NEBL: variants seen among roughly 807,000 people sequenced by gnomAD.
NEBL encodes the protein nebulette.
A neutral mutation model predicts 140.2 loss-of-function variants in NEBL; 122 were observed. The observed-to-expected ratio is 0.87, with a 90% CI of 0.75 to 1.01. The LOEUF is 1.01. NEBL is among the 50% of genes least tolerant of loss of function. The pLI, the probability that NEBL is intolerant of heterozygous loss-of-function variation, is 0.00. For missense variants in NEBL, 1,365 were observed against 1,231.3 expected, an observed-to-expected ratio of 1.11 and a Z score of -1.62; for synonymous variants, 436 against 398.9, an observed-to-expected ratio of 1.09 and a Z score of -1.11.
chr10:20,971,848 C>T (rs1298847146), intron 3 of NEBL, among the ~76,000 whole-genome samples: 5 of 152,002 alleles, frequency 3.3e-5, no homozygotes, highest in Non-Finnish European at 7.4e-5. Flanking sequence ...CTCCTGACCT[C>T]GTGATCCGCC....
At chr10:20,872,492 G>A (rs1223721445) in intron 5 of NEBL, among the ~76,000 whole-genome samples, 1 of 152,068 alleles carries the variant, frequency 6.6e-6, no homozygotes, top group African/African-American at 2.4e-5. Context: ...TGGCAACATG[G>A]CTTCTCACAC....
intron 2 of NEBL, among the ~76,000 whole-genome samples, chr10:21,066,129 G>T (rs1407245984): frequency 6.6e-6 from 1 of 152,122 alleles, no homozygotes; most frequent in Non-Finnish European, 1.5e-5. Flanking sequence ...TGTGAGTTGG[G>T]CCACCTCCCT....
rs561154574 is a variant in NEBL at position 20,808,381 on chromosome 10, C to T, written c.2761+129G>A. The T allele has an allele frequency of 1.8e-4, 166 of 939,808 alleles. 1 individual carries two copies. The African/African-American group carries it at 2.3e-3, about 13-fold the overall frequency. The allele number at this position is 939,808 out of a possible 1,614,324, so 58.2% of individuals were successfully genotyped here. A position where few individuals can be genotyped will look rare whatever the true frequency, so the allele number is the denominator to read the frequency against. ...AAAAAAAGACTATTAACTTTCTGAA[C>T]TTAATTTTAAATTCTCAAATACAGC... On this transcript the variant is annotated intron_variant, in intron 26 of 27. Transcript: ENST00000377122.
intron 2 of NEBL, among the ~76,000 whole-genome samples, chr10:21,051,216 A>C (rs1346104611): frequency 6.6e-6 from 1 of 152,210 alleles, no homozygotes; most frequent in Non-Finnish European, 1.5e-5. Flanking sequence ...CTTTGCGAGG[A>C]TTTATATTCG....
At chr10:21,219,054 T>C (rs1842034203) in intron 3 of NEBL, among the ~76,000 whole-genome samples, 2 of 152,180 alleles carry the variant, frequency 1.3e-5, no homozygotes, top group East Asian at 3.8e-4. Flanking sequence ...CAGCTCAAAA[T>C]AATCCTCATG....
intron 2 of NEBL, among the ~76,000 whole-genome samples, chr10:21,031,419 T>C (rs1239439536): frequency 6.6e-6 from 1 of 152,112 alleles, no homozygotes; most frequent in Non-Finnish European, 1.5e-5. Flanking sequence ...AAACCAGGCA[T>C]AGCAATGAAG....
At chr10:21,179,117 C>T (rs536002699), upstream of NEBL, among the ~76,000 whole-genome samples, 2 of 152,136 alleles carry the variant, frequency 1.3e-5, no homozygotes, top group Non-Finnish European at 2.9e-5. Context: ...CCTATAAACT[C>T]TATAAAATTA....
At chr10:21,084,760 C>G (rs1836546996) in intron 2 of NEBL, among the ~76,000 whole-genome samples, 1 of 152,100 alleles carries the variant, frequency 6.6e-6, no homozygotes. Flanking sequence ...TTGCCTTCTC[C>G]CTCCTGCTCC....
intron 10 of NEBL, 122 bp from the exon 11 acceptor site, chr10:20,850,624 T>C (rs1047378138): frequency 1.4e-5 from 10 of 692,454 alleles, no homozygotes; most frequent in Non-Finnish European, 2.2e-5. Context: ...ATTCTGGCCA[T>C]TTAGGTTGAG....
intron 3 of NEBL, among the ~76,000 whole-genome samples, chr10:21,227,769 TTTCTGCTTCTTCTTTC>T (rs1842188257): frequency 1.4e-5 from 2 of 141,588 alleles, no homozygotes; most frequent in South Asian, 2.3e-4. Flanking sequence ...CTTCTTCTTC[TTTCTGCTTCTTCTTTC>T]TCTTCTTTCT....
At chr10:21,001,897 C>T (rs1257030271) in intron 3 of NEBL, among the ~76,000 whole-genome samples, 1 of 152,190 alleles carries the variant, frequency 6.6e-6, no homozygotes, top group African/African-American at 2.4e-5. Context: ...ATAAGCAAAA[C>T]TGGTCTCTGT....
intron 2 of NEBL, among the ~76,000 whole-genome samples, chr10:21,117,134 T>A (rs1769505882): frequency 6.6e-6 from 1 of 152,046 alleles, no homozygotes; most frequent in Admixed American, 6.6e-5. Flanking sequence ...CTCTGCCAAG[T>A]AAGACCAGAA....
chr10:21,000,676 A>G (rs1837858316), intron 3 of NEBL, among the ~76,000 whole-genome samples: 2 of 152,204 alleles, frequency 1.3e-5, no homozygotes, highest in African/African-American at 4.8e-5. Context: ...ACTTACTGCA[A>G]ACAGAAATAA....
chr10:21,152,917 T>C (rs1840198912), intron 2 of NEBL, among the ~76,000 whole-genome samples: 1 of 152,122 alleles, frequency 6.6e-6, no homozygotes, highest in Admixed American at 6.5e-5. Context: ...AATAACCCCA[T>C]AGAAAACCAG....
intron 3 of NEBL, among the ~76,000 whole-genome samples, chr10:20,999,256 T>A (rs190834909): frequency 1.3e-5 from 2 of 151,850 alleles, no homozygotes. Context: ...TGCCCAATTA[T>A]GTGTGAGAAG....
chr10:21,168,923 C>T (rs1053509400), intron 2 of NEBL, among the ~76,000 whole-genome samples: 9 of 150,294 alleles, frequency 6.0e-5, no homozygotes, highest in African/African-American at 2.2e-4. Context: ...GTGGCGGGCG[C>T]CCCTAGTCCC....
chr10:21,166,335 T>G (rs1840776645), intron 2 of NEBL, among the ~76,000 whole-genome samples: 1 of 152,158 alleles, frequency 6.6e-6, no homozygotes, highest in South Asian at 2.1e-4. Context: ...AATTCTCTTT[T>G]TAGTACTTAA....
intron 4 of NEBL, among the ~76,000 whole-genome samples, chr10:20,910,603 G>T (rs1848288190): frequency 6.6e-6 from 1 of 152,180 alleles, no homozygotes; most frequent in East Asian, 1.9e-4. Context: ...CATTTGGGGT[G>T]GGCAGTGGAA....
intron 2 of NEBL, among the ~76,000 whole-genome samples, chr10:21,134,449 C>T (rs1205898826): frequency 6.6e-6 from 1 of 152,162 alleles, no homozygotes; most frequent in Non-Finnish European, 1.5e-5. Flanking sequence ...TTCTCTTAGT[C>T]TCATTTGTTT....
Sources: gnomAD v4.1 joint callset for allele counts (sites outside exome capture counted in the v4.1 genomes callset) on GRCh38, gnomAD v4.1.1 for gene constraint, MANE v1.5 for transcripts, NCBI Gene and HGNC (gene_info 2026-07-23, HGNC 2026-07-21) for gene names.